Variants in SLC2A9 observed in about 807,000 individuals in gnomAD.
SLC2A9 encodes the protein solute carrier family 2 member 9, also known as solute carrier family 2, facilitated glucose transporter member 9.
Under a neutral mutation model 50.6 loss-of-function variants are expected in SLC2A9, and 39 were observed. That is an observed-to-expected ratio of 0.77 (90% CI 0.60 to 1.01). SLC2A9 has a LOEUF of 1.01. SLC2A9 is among the 50% of genes least tolerant of loss of function. SLC2A9 has a pLI of 0.00. For missense variants in SLC2A9, 686 were observed against 677.6 expected (o/e 1.01, Z -0.14); for synonymous variants, 324 against 276.9 (o/e 1.17, Z -1.69).
exon 1 of SLC2A9, chr4:10,040,178 G>A (rs1235390975): frequency 1.3e-5 from 2 of 152,204 alleles, no homozygotes; most frequent in African/African-American, 2.4e-5. Context: ...TCTCCTTCAG[G>A]AAGAGTTTTC....
chr4:9,773,548 C>T (rs1476385047), intron 1 of SLC2A9, among the ~76,000 whole-genome samples: 1 of 152,212 alleles, frequency 6.6e-6, no homozygotes, highest in African/African-American at 2.4e-5. Context: ...TAGGAAAACT[C>T]GCTTTGTGCT....
intron 6 of SLC2A9, among the ~76,000 whole-genome samples, chr4:9,933,476 C>T (rs1384073253): frequency 1.3e-5 from 2 of 152,174 alleles, no homozygotes; most frequent in Admixed American, 1.3e-4. Context: ...CATCCAGTGC[C>T]TCTCTGAAAT....
chr4:10,031,533 G>A (rs552475026), intron 1 of SLC2A9, among the ~76,000 whole-genome samples: 1 of 152,344 alleles, frequency 6.6e-6, no homozygotes, highest in African/African-American at 2.4e-5. Flanking sequence ...CAGCTCTGTA[G>A]TCAGAAGATG....
At chr4:9,975,607 T>C (rs113737717) in intron 5 of SLC2A9, among the ~76,000 whole-genome samples, 1 of 152,054 alleles carries the variant, frequency 6.6e-6, no homozygotes, top group Non-Finnish European at 1.5e-5. Flanking sequence ...AAACAACAGA[T>C]GCTAATGAGG....
At chr4:9,816,174 C>T (rs60232675) in intron 3 of SLC2A9, among the ~76,000 whole-genome samples, 1 of 149,056 alleles carries the variant, frequency 6.7e-6, no homozygotes, top group Non-Finnish European at 1.5e-5. Flanking sequence ...TGTCTCAAAA[C>T]ATAAATAAAT....
chr4:9,828,653 C>T (rs1725528665), intron 11 of SLC2A9, among the ~76,000 whole-genome samples: 1 of 152,214 alleles, frequency 6.6e-6, no homozygotes, highest in African/African-American at 2.4e-5. Flanking sequence ...TTCGTTTAGG[C>T]CTCTGTATAT....
At chr4:9,774,693 AT>A (rs1294955181) in intron 1 of SLC2A9, among the ~76,000 whole-genome samples, 1 of 151,404 alleles carries the variant, frequency 6.6e-6, no homozygotes. Flanking sequence ...CAAAGAAATC[AT>A]TTTCTCTCTC....
intron 6 of SLC2A9, among the ~76,000 whole-genome samples, 199 bp from the exon 7 acceptor site, chr4:9,920,771 A>G (rs1299554186): frequency 6.6e-6 from 1 of 152,190 alleles, no homozygotes; most frequent in African/African-American, 2.4e-5. Flanking sequence ...AGATGCCATG[A>G]TTTGCTCAAC....
chr4:9,875,416 T>TGGCCATAGGTTACTCTCTGTCTAA (rs1734155991), intron 10 of SLC2A9, among the ~76,000 whole-genome samples: 2 of 151,922 alleles, frequency 1.3e-5, no homozygotes, highest in Admixed American at 6.5e-5. Flanking sequence ...TCTTTAGAAA[T>TGGCCATAGGTTACTCTCTGTCTAA]GTCTTCTTGT....
intron 6 of SLC2A9, among the ~76,000 whole-genome samples, chr4:9,937,965 T>G (rs958888906): frequency 5.3e-5 from 8 of 152,252 alleles, no homozygotes; most frequent in African/African-American, 1.9e-4. Flanking sequence ...TGCCCGTATC[T>G]ATGATGTCCA....
chr4:9,901,616 C>T (rs1577788198), intron 8 of SLC2A9, among the ~76,000 whole-genome samples: 1 of 152,212 alleles, frequency 6.6e-6, no homozygotes, highest in East Asian at 1.9e-4. Context: ...GAAGAGAAAA[C>T]CTACAAAATG....
downstream of SLC2A9, among the ~76,000 whole-genome samples, chr4:9,798,129 G>A (rs955602370): frequency 6.6e-6 from 1 of 152,206 alleles, no homozygotes; most frequent in Non-Finnish European, 1.5e-5. Flanking sequence ...TGGGTCTGGT[G>A]CAACCAGGTG....
At chr4:9,936,121 C>T (rs749429004) in intron 6 of SLC2A9, among the ~76,000 whole-genome samples, 2 of 152,092 alleles carry the variant, frequency 1.3e-5, no homozygotes, top group Non-Finnish European at 2.9e-5. Context: ...TTTGTGCCCC[C>T]CAGAAGTAAA....
At chr4:9,772,567 C>A (rs1019919269) in intron 1 of SLC2A9, among the ~76,000 whole-genome samples, 2 of 152,206 alleles carry the variant, frequency 1.3e-5, no homozygotes, top group African/African-American at 4.8e-5. Flanking sequence ...GAACCACCGG[C>A]CTCTGAATGA....
At position 9,783,010 on chromosome 4, in the gene SLC2A9, A is replaced by G. The variant is rs369500815; in HGVS notation, n.386-2945T>C. The G allele has an allele frequency of 1.1e-4, 179 of 1,614,068 alleles. 1 individual carries two copies. Among genetic ancestry groups the G allele is most frequent in the Non-Finnish European group, 1.4e-4 (166 of 1,180,034 alleles). The stretch of plus-strand genomic sequence containing the variant: ...TCCCTTTCTGCAGTGGACACCCCGA[A>G]GGCCCTCCGGCCGGCTTCCCCTGCG... On this transcript the variant is annotated intron_variant and non_coding_transcript_variant, in intron 3 of 3. Coordinates refer to the SLC2A9 transcript ENST00000503803.
chr4:9,817,068 TTCTC>T (rs376214112), intron 3 of SLC2A9, among the ~76,000 whole-genome samples: 20 of 152,206 alleles, frequency 1.3e-4, no homozygotes, highest in African/African-American at 4.6e-4. Context: ...TCAAATCTTT[TTCTC>T]TCTCTCTCAT....
chr4:9,845,662 C>T (rs1333656662), intron 10 of SLC2A9, among the ~76,000 whole-genome samples: 1 of 151,628 alleles, frequency 6.6e-6, no homozygotes, highest in Non-Finnish European at 1.5e-5. Flanking sequence ...GATCTCCTGA[C>T]CTCGTGATCC....
At chr4:9,830,196 A>G (rs1314259640) in intron 11 of SLC2A9, among the ~76,000 whole-genome samples, 2 of 152,250 alleles carry the variant, frequency 1.3e-5, no homozygotes, top group African/African-American at 4.8e-5. Flanking sequence ...AAAAGGAATG[A>G]GATCAAGTCC....
At chr4:9,912,353 C>T (rs189758336) in intron 7 of SLC2A9, among the ~76,000 whole-genome samples, 215 of 152,048 alleles carry the variant, frequency 1.4e-3, no homozygotes, top group African/African-American at 5.0e-3. Flanking sequence ...GCTAGGAATG[C>T]ACCTCTGGGT....
Sources: allele counts gnomAD v4.1 joint callset (sites outside exome capture counted in the v4.1 genomes callset), GRCh38; gene constraint gnomAD v4.1.1; transcripts MANE v1.5; gene names NCBI Gene and HGNC (gene_info 2026-07-23, HGNC 2026-07-21).